The following SYNPO variants were observed in gnomAD, a reference collection of about 807,000 sequenced individuals.
SYNPO encodes the protein synaptopodin.
In SYNPO, 19 loss-of-function variants were observed where a neutral mutation model predicts 49.5. The ratio of observed to expected loss-of-function variants is 0.38; its 90% CI spans 0.27 to 0.56. The LOEUF (loss-of-function observed/expected upper bound fraction) is 0.56, where lower values mean the gene tolerates loss of function less well. Ranked by LOEUF, SYNPO falls within the 20% of genes least tolerant of loss-of-function variation. The pLI is 0.68. For synonymous variants in SYNPO, 536 were observed against 548.0 expected (o/e 0.98, Z 0.31); for missense variants, 1,131 against 1,248.3 (o/e 0.91, Z 1.42).
At chr5:150,643,709 A>ATT (rs1312779046) in intron 1 of SYNPO, among the ~76,000 whole-genome samples, 1 of 151,886 alleles carries the variant, frequency 6.6e-6, no homozygotes, top group African/African-American at 2.4e-5. Context: ...TAATTTTTGT[A>ATT]TTTTTAGTAG....
At position 150,652,066 on chromosome 5, in the gene SYNPO, CTT is replaced by C; in HGVS notation, c.2028+1764_2028+1765del. 3.0e-6 allele frequency: 3 copies of C among 1,000,628 alleles called. No homozygotes were observed. The South Asian group carries it at 1.4e-4, about 47-fold the overall frequency. The allele number at this position is 1,000,628 out of a possible 1,614,324, so 62.0% of individuals were successfully genotyped here. ...GCCTGCAGTTTTTGTGAGCTCTGGGCTTGTCTCCATGGGAACAGGGGTGCCTT... is the reference window on the plus strand; with the variant it reads ...GCCTGCAGTTTTTGTGAGCTCTGGGCGTCTCCATGGGAACAGGGGTGCCTT... On this transcript the variant is annotated intron_variant, in intron 2 of 2. Coordinates refer to ENST00000307662, the MANE Select transcript of SYNPO (RefSeq NM_007286.6).
Position 150,656,850 on chromosome 5 carries a change from G to C in SYNPO, c.2475G>C (p.Arg825=), listed in dbSNP as rs1411776641. 1 of 1,556,836 alleles carries C rather than the reference G, an allele frequency of 6.4e-7. No individual in the cohort carries two copies. The highest frequency in any genetic ancestry group is 1.4e-5 in the African/African-American group (1 of 73,018). The part of the protein sequence containing the change: ...VPGAAFAPIP[R]SPLPAGPSSC... ...GGGCAGCCTTCGCGCCCATCCCGCG[G>C]AGCCCGTTGCCCGCCGGTCCTTCGT... Residue 825 remains arginine, a synonymous_variant, in exon 3 of 3, where the codon CGG becomes CGC. Coordinates refer to ENST00000307662, the MANE Select transcript of SYNPO (RefSeq NM_007286.6).
Position 150,656,745 on chromosome 5 carries a change from G to GCCCCCCCC in SYNPO, c.2375_2376insCCCCCCCC (p.Pro795ArgfsTer147). Reference sequence around the variant, plus strand: ...CCTTCTCCCCGCCGAGGGCGCCACCGCCCCCGCCCCCGCCCCCGCCCCCGC... The same window carrying GCCCCCCCC: ...CCTTCTCCCCGCCGAGGGCGCCACCGCCCCCCCCCCCCCGCCCCCGCCCCCGCCCCCGC... On this transcript the variant is annotated frameshift_variant, in exon 3 of 3. Coordinates refer to ENST00000307662, the MANE Select transcript of SYNPO (RefSeq NM_007286.6). LOFTEE classifies it low-confidence loss of function (END_TRUNC). The GCCCCCCCC allele has an allele frequency of 1.9e-5, 19 of 1,010,506 alleles. No individual in the cohort carries two copies. The highest frequency in any genetic ancestry group is 2.1e-5 in the Non-Finnish European group (18 of 839,822). The allele number at this position is 1,010,506 out of a possible 1,614,324, so 62.6% of individuals were successfully genotyped here. A position where few individuals can be genotyped will look rare whatever the true frequency, so the allele number is the denominator to read the frequency against.
At chr5:150,591,329 G>C in the SYNPO span, among the ~76,000 whole-genome samples, 1 of 152,222 alleles carries the variant, frequency 6.6e-6, no homozygotes, top group African/African-American at 2.4e-5. Context: ...GGACCTCAGT[G>C]ATGGAGAATG....
At chr5:150,602,279 C>T (rs183932886) in intron 1 of SYNPO, among the ~76,000 whole-genome samples, 11 of 152,230 alleles carry the variant, frequency 7.2e-5, no homozygotes, top group African/African-American at 1.9e-4. Context: ...ATGTTGGACA[C>T]GTCTCCTCCT....
the SYNPO span, among the ~76,000 whole-genome samples, chr5:150,595,122 CCCTCTT>C: frequency 1.3e-5 from 2 of 152,156 alleles, no homozygotes; most frequent in Non-Finnish European, 2.9e-5. Context: ...CTGAGGCGGA[CCCTCTT>C]CTGAGCTGCA....
chr5:150,641,543 G>C (rs60744959), intron 1 of SYNPO, among the ~76,000 whole-genome samples: 5 of 152,062 alleles, frequency 3.3e-5, no homozygotes, highest in Non-Finnish European at 7.4e-5. Flanking sequence ...TCCCTTCCCC[G>C]GCCCCACCTC....
intron 2 of SYNPO, among the ~76,000 whole-genome samples, chr5:150,629,777 T>A (rs530214978): frequency 5.5e-4 from 83 of 152,288 alleles, no homozygotes; most frequent in African/African-American, 1.9e-3. Flanking sequence ...AACAACTCCA[T>A]GAGGTGAGTA....
At chr5:150,616,088 G>A (rs569715422) in intron 1 of SYNPO, among the ~76,000 whole-genome samples, 1 of 152,320 alleles carries the variant, frequency 6.6e-6, no homozygotes, top group Non-Finnish European at 1.5e-5. Flanking sequence ...TGATCCGGAT[G>A]GTTGTTTGCC....
At chr5:150,620,955 CTTTTT>C (rs869310732) in intron 2 of SYNPO, among the ~76,000 whole-genome samples, 1 of 71,170 alleles carries the variant, frequency 1.4e-5, no homozygotes, top group African/African-American at 5.3e-5. Flanking sequence ...CTTTTCTTTT[CTTTTT>C]TTTTTTTTTT....
At chr5:150,610,361 T>C (rs987824779) in intron 1 of SYNPO, among the ~76,000 whole-genome samples, 1 of 152,064 alleles carries the variant, frequency 6.6e-6, no homozygotes, top group Admixed American at 6.5e-5. Flanking sequence ...TCAGAAAACC[T>C]CCAGTGACCA....
In SYNPO at chr5:150,657,430, TCTCACACACACACA is replaced by T. The variant is rs1341177050; in HGVS notation, c.*345_*358del. The T allele has an allele frequency of 1.1e-4, 17 of 157,512 alleles. No individual in the cohort carries two copies. The highest frequency in any genetic ancestry group is 5.5e-4 in the African/African-American group (13 of 23,576). 9.8% of individuals were successfully genotyped at this position (157,512 alleles called of 1,614,324 possible). On this transcript the variant is annotated 3_prime_UTR_variant, in exon 3 of 3. Coordinates refer to ENST00000307662, the MANE Select transcript of SYNPO (RefSeq NM_007286.6). ...CACTCTCTCTTTCTCTCTCTCTCTC[TCTCACACACACACA>T]CACACACACACACACACACACACAC...
At chr5:150,626,218 C>G (rs1757351811) in intron 2 of SYNPO, among the ~76,000 whole-genome samples, 1 of 152,128 alleles carries the variant, frequency 6.6e-6, no homozygotes, top group African/African-American at 2.4e-5. Flanking sequence ...TGTGCTCCCC[C>G]ACTACTTGCC....
chr5:150,604,913 G>A (rs548839436), intron 1 of SYNPO, among the ~76,000 whole-genome samples: 1 of 152,300 alleles, frequency 6.6e-6, no homozygotes, highest in South Asian at 2.1e-4. Context: ...CAACTCTTCT[G>A]CAGGCCTGGG....
At chr5:150,625,538 C>A (rs1336209363) in intron 2 of SYNPO, among the ~76,000 whole-genome samples, 1 of 152,206 alleles carries the variant, frequency 6.6e-6, no homozygotes, top group Non-Finnish European at 1.5e-5. Context: ...CCAGCGCCTA[C>A]AGGGAGAGGG....
intron 1 of SYNPO, among the ~76,000 whole-genome samples, chr5:150,602,960 T>C (rs1756584823): frequency 6.6e-6 from 1 of 151,530 alleles, no homozygotes; most frequent in East Asian, 1.9e-4. Context: ...CCTGTAATTC[T>C]GTGATTACAG....
intron 1 of SYNPO, among the ~76,000 whole-genome samples, chr5:150,644,194 T>C (rs1758010640): frequency 6.8e-6 from 1 of 148,028 alleles, no homozygotes; most frequent in South Asian, 2.1e-4. Context: ...AAAAAGTGAT[T>C]GGAAGTGAAT....
At chr5:150,592,894 C>T in the SYNPO span, among the ~76,000 whole-genome samples, 1 of 152,206 alleles carries the variant, frequency 6.6e-6, no homozygotes. Context: ...GGCATCTGAA[C>T]CTTGTGTCCA....
At position 150,657,448 on chromosome 5, in the gene SYNPO, A is replaced by T. The variant is rs867896332; in HGVS notation, c.*361A>T. ...CTCTCTCTCTCACACACACACACAC[A>T]CACACACACACACACACACACACAC... On this transcript the variant is annotated 3_prime_UTR_variant, in exon 3 of 3. Coordinates refer to ENST00000307662, the MANE Select transcript of SYNPO (RefSeq NM_007286.6). The T allele has an allele frequency of 2.8e-3, 615 of 218,206 alleles. 11 individuals are homozygous for T. The highest frequency in any genetic ancestry group is 0.013 in the African/African-American group (567 of 42,748). 13.5% of individuals were successfully genotyped at this position (218,206 alleles called of 1,614,324 possible).
Sources: gnomAD v4.1 joint callset for allele counts (sites outside exome capture counted in the v4.1 genomes callset) on GRCh38, gnomAD v4.1.1 for gene constraint, MANE v1.5 for transcripts, NCBI Gene and HGNC (gene_info 2026-07-23, HGNC 2026-07-21) for gene names.